Variants in ATF7IP2 observed in about 807,000 individuals in gnomAD.
ATF7IP2 encodes activating transcription factor 7-interacting protein 2.
A neutral mutation model predicts 64.2 loss-of-function variants in ATF7IP2; 42 were observed. That is an observed-to-expected ratio of 0.65 (90% CI 0.51 to 0.85). The LOEUF (loss-of-function observed/expected upper bound fraction) is 0.85, where lower values mean the gene tolerates loss of function less well. Among genes scored for constraint, ATF7IP2 ranks in the 40% least tolerant of loss-of-function variants. The pLI, the probability that ATF7IP2 is intolerant of heterozygous loss-of-function variation, is 0.00. For synonymous variants in ATF7IP2, 308 were observed against 272.8 expected (o/e 1.13, Z -1.27); for missense variants, 933 against 784.2 (o/e 1.19, Z -2.27).
intron 9 of ATF7IP2, among the ~76,000 whole-genome samples, chr16:10,470,126 T>A (rs553118974): frequency 6.6e-6 from 1 of 152,062 alleles, no homozygotes; most frequent in Non-Finnish European, 1.5e-5. Context: ...TGTTGGCAAA[T>A]AGAAAATATT....
chr16:10,419,419 A>G (rs2047947456), intron 2 of ATF7IP2, among the ~76,000 whole-genome samples, 162 bp from the exon 3 acceptor site: 2 of 152,190 alleles, frequency 1.3e-5, no homozygotes, highest in Admixed American at 1.3e-4. Flanking sequence ...GGTCCAGCCA[A>G]GTTACAGGCC....
At position 10,480,972 on chromosome 16, in the gene ATF7IP2, A is replaced by C; in HGVS notation, c.1635+8A>C. The C allele has an allele frequency of 1.3e-6, 2 of 1,582,668 alleles. No individual in the cohort carries two copies. The highest frequency in any genetic ancestry group is 1.4e-5 in the African/African-American group (1 of 73,950). Reference sequence around the variant, plus strand: ...GCACAAAATGCAGTCCAGGTACTGAATCAAAGTGCTCTGTAAGGGATATTT... The same window carrying C: ...GCACAAAATGCAGTCCAGGTACTGACTCAAAGTGCTCTGTAAGGGATATTT... On this transcript the variant is annotated splice_region_variant and intron_variant, in intron 13 of 13. Coordinates refer to ENST00000562102, the MANE Select transcript of ATF7IP2 (RefSeq NM_001393719.1).
At chr16:10,386,262 C>G (rs530218043) in intron 1 of ATF7IP2, 140 bp downstream of exon 1, 1 of 152,234 alleles carries the variant, frequency 6.6e-6, no homozygotes, top group Non-Finnish European at 1.5e-5. Context: ...GCGAAGCTGC[C>G]CTGACTGAAA....
chr16:10,440,670 A>G (rs2048585230), intron 8 of ATF7IP2, among the ~76,000 whole-genome samples: 1 of 152,236 alleles, frequency 6.6e-6, no homozygotes, highest in African/African-American at 2.4e-5. Flanking sequence ...GAGTAGAAAG[A>G]GGATTGGTGA....
At chr16:10,427,852 C>CA (rs200441087) in intron 3 of ATF7IP2, among the ~76,000 whole-genome samples, 3,290 of 94,044 alleles carry the variant, frequency 0.035, 90 homozygotes, top group African/African-American at 0.11. Flanking sequence ...GACCCTGTCT[C>CA]AAAAAAAAAA....
At position 10,425,833 on chromosome 16, in the gene ATF7IP2, C is replaced by T. The variant is rs570495250; in HGVS notation, c.-159-3035C>T. ...ACTTGAACCTGGGAGGCAGAGGTTGCGATGAGCTGAGATCATGCCATTGCA... is the reference window on the plus strand; with the variant it reads ...ACTTGAACCTGGGAGGCAGAGGTTGTGATGAGCTGAGATCATGCCATTGCA... On this transcript the variant is annotated intron_variant, in intron 3 of 13. Coordinates refer to ENST00000562102, the MANE Select transcript of ATF7IP2 (RefSeq NM_001393719.1). Among the ~76,000 whole-genome samples, 6 of 151,428 alleles carry T rather than the reference C, an allele frequency of 4.0e-5. 1 individual carries two copies. Among genetic ancestry groups the T allele is most frequent in the African/African-American group, 4.9e-5 (2 of 41,216 alleles).
intron 8 of ATF7IP2, among the ~76,000 whole-genome samples, chr16:10,450,523 A>T (rs1192627839): frequency 1.3e-5 from 2 of 152,126 alleles, no homozygotes; most frequent in Admixed American, 6.5e-5. Context: ...ATATATATTT[A>T]TGATAGTTCT....
At chr16:10,465,640 G>A (rs796495882) in intron 9 of ATF7IP2, among the ~76,000 whole-genome samples, 4 of 150,366 alleles carry the variant, frequency 2.7e-5, no homozygotes, top group African/African-American at 9.8e-5. Flanking sequence ...TCAGGAGGCT[G>A]AGGCAGGAGA....
intron 8 of ATF7IP2, chr16:10,454,007 AG>A (rs958164868): frequency 2.8e-5 from 4 of 144,514 alleles, no homozygotes; most frequent in Admixed American, 6.7e-5. Flanking sequence ...AGAGCCATTC[AG>A]TTTTTTTTTT....
intron 1 of ATF7IP2, among the ~76,000 whole-genome samples, chr16:10,414,319 A>T (rs1363041114): frequency 6.6e-6 from 1 of 151,800 alleles, no homozygotes; most frequent in Non-Finnish European, 1.5e-5. Context: ...TTAATTAAAA[A>T]GCCTTGTCAA....
At chr16:10,456,606 C>T (rs926206991) in intron 8 of ATF7IP2, among the ~76,000 whole-genome samples, 26 of 152,160 alleles carry the variant, frequency 1.7e-4, no homozygotes, top group African/African-American at 5.3e-4. Flanking sequence ...TAGCCCCTGC[C>T]GGTGCCACCT....
chr16:10,408,843 A>G (rs1171928073), intron 1 of ATF7IP2, among the ~76,000 whole-genome samples: 9 of 152,156 alleles, frequency 5.9e-5, no homozygotes, highest in Non-Finnish European at 5.9e-5. Context: ...CTTTAGTTTA[A>G]TTAAGTCCTG....
At chr16:10,449,699 C>A (rs766033230) in intron 8 of ATF7IP2, 3 of 151,932 alleles carry the variant, frequency 2.0e-5, no homozygotes, top group Non-Finnish European at 4.4e-5. Context: ...TCTGTCTTTT[C>A]TTCTTTATTA....
intron 1 of ATF7IP2, among the ~76,000 whole-genome samples, chr16:10,404,032 A>G (rs2047585969): frequency 6.6e-6 from 1 of 152,208 alleles, no homozygotes; most frequent in Admixed American, 6.6e-5. Context: ...TAATTAATGA[A>G]AACCTCCCTA....
chr16:10,392,173 C>A (rs918689695), intron 1 of ATF7IP2, among the ~76,000 whole-genome samples: 1 of 150,466 alleles, frequency 6.6e-6, no homozygotes, highest in Non-Finnish European at 1.5e-5. Flanking sequence ...CTTGCCTCAG[C>A]CTCCCAAGTA....
At chr16:10,480,450 G>C (rs531033159) in intron 12 of ATF7IP2, among the ~76,000 whole-genome samples, 1 of 151,658 alleles carries the variant, frequency 6.6e-6, no homozygotes, top group Non-Finnish European at 1.5e-5. Context: ...ATTCCTTCCA[G>C]AGGAGCACAG....
chr16:10,427,489 C>A (rs1357587282), intron 3 of ATF7IP2, among the ~76,000 whole-genome samples: 1 of 152,114 alleles, frequency 6.6e-6, no homozygotes, highest in Non-Finnish European at 1.5e-5. Context: ...ACATGGATAC[C>A]TTTTCAGTAT....
chr16:10,399,287 A>T (rs747335925), intron 1 of ATF7IP2, among the ~76,000 whole-genome samples: 2 of 152,238 alleles, frequency 1.3e-5, no homozygotes, highest in African/African-American at 2.4e-5. Flanking sequence ...CACAATCCTT[A>T]TGAAAATTGC....
chr16:10,463,500 A>G (rs1462487837), intron 9 of ATF7IP2, among the ~76,000 whole-genome samples: 1 of 152,200 alleles, frequency 6.6e-6, no homozygotes, highest in South Asian at 2.1e-4. Context: ...CTGTCATGTC[A>G]TAAGAACATC....
Sources: gnomAD v4.1 joint callset for allele counts (sites outside exome capture counted in the v4.1 genomes callset) on GRCh38, gnomAD v4.1.1 for gene constraint, MANE v1.5 for transcripts, NCBI Gene and HGNC (gene_info 2026-07-23, HGNC 2026-07-21) for gene names.